Variants in ARHGEF6 observed in about 807,000 individuals in gnomAD.
ARHGEF6 encodes rho guanine nucleotide exchange factor 6.
In ARHGEF6, 9 loss-of-function variants were observed where a neutral mutation model predicts 70.3. That is an observed-to-expected ratio of 0.13 (90% CI 0.08 to 0.22). The LOEUF (loss-of-function observed/expected upper bound fraction) is 0.22, where lower values mean the gene tolerates loss of function less well. ARHGEF6 is among the 10% of genes least tolerant of loss of function. ARHGEF6 has a pLI of 1.00. For missense variants in ARHGEF6, 470 were observed against 563.0 expected (o/e 0.83, Z 1.67); for synonymous variants, 201 against 207.8 (o/e 0.97, Z 0.28).
chrX:136,779,172 C>T (rs1181967078), intron 2 of ARHGEF6, among the ~76,000 whole-genome samples: 1 of 112,025 alleles, frequency 8.9e-6, no homozygotes, highest in East Asian at 2.8e-4. Flanking sequence ...AGCCTGTTTA[C>T]AGGGCTTGGA....
Position 136,692,412 on chromosome X carries a change from G to C in ARHGEF6, c.1047-1664C>G, listed in dbSNP as rs528358374. On this transcript the variant is annotated intron_variant, in intron 9 of 21. Transcript: ENST00000250617. ...CAGCCTGCTGCTAATCCTTTTATCA[G>C]TTTTCGTAGTCTTGTTCCAGAAGTA... 3.6e-5 allele frequency among the ~76,000 whole-genome samples: 4 copies of C among 111,252 alleles called. No individual in the cohort carries two copies. The Admixed American group carries it at 3.8e-4, about 11-fold the overall frequency.
chrX:136,707,162 T>C (rs1305899722), intron 8 of ARHGEF6, 132 bp from the exon 9 acceptor site: 1 of 796,718 alleles, frequency 1.3e-6, no homozygotes, highest in African/African-American at 2.1e-5. Flanking sequence ...AACTATATTA[T>C]AACCATTTTA....
rs181136724 is a variant in ARHGEF6, at chrX:136,718,854, T to C, written c.733-5484A>G. On this transcript the variant is annotated intron_variant, in intron 6 of 21. Coordinates refer to ENST00000250617, the MANE Select transcript of ARHGEF6 (RefSeq NM_004840.3). ...TCTTTGGCTGAGTTATATTTTAATA[T>C]TATGCATTTCAGTGAGAACTGACAT... 1.7e-4 allele frequency among the ~76,000 whole-genome samples: 19 copies of C among 110,013 alleles called. No individual in the cohort carries two copies. The East Asian group carries it at 5.4e-3, about 31-fold the overall frequency.
intron 6 of ARHGEF6, among the ~76,000 whole-genome samples, chrX:136,727,383 TTCTTTCTTTCTTTCTC>T (rs1213282816): frequency 5.5e-4 from 37 of 67,465 alleles, no homozygotes; most frequent in Middle Eastern, 8.3e-3. Context: ...CTTTCTTTCT[TTCTTTCTTTCTTTCTC>T]TCTCTCTCTC....
intron 2 of ARHGEF6, among the ~76,000 whole-genome samples, chrX:136,754,864 G>A (rs757210129): frequency 2.7e-5 from 3 of 111,235 alleles, no homozygotes; most frequent in East Asian, 2.8e-4. Context: ...CCAGTTTTGC[G>A]GTGTGGGGTG....
intron 6 of ARHGEF6, among the ~76,000 whole-genome samples, chrX:136,727,411 C>CTTT (rs1556285287): frequency 1.4e-5 from 1 of 71,554 alleles, no homozygotes; most frequent in African/African-American, 6.8e-5. Context: ...CTCTCTCTCT[C>CTTT]TCTTTCTTTC....
chrX:136,733,710 C>A (rs138962037), intron 5 of ARHGEF6, among the ~76,000 whole-genome samples: 4,242 of 112,393 alleles, frequency 0.038, 93 homozygotes, highest in Non-Finnish European at 0.06. Flanking sequence ...GACAGGCAGA[C>A]TATCTTCTCA....
chrX:136,733,359 T>C (rs4829845), intron 5 of ARHGEF6, among the ~76,000 whole-genome samples: 14,127 of 110,761 alleles, frequency 0.13, 701 homozygotes, highest in South Asian at 0.24. Context: ...ATTTTCAAGT[T>C]ATAAATCTAT....
At chrX:136,778,093 T>C (rs1249649725) in intron 2 of ARHGEF6, among the ~76,000 whole-genome samples, 1 of 111,419 alleles carries the variant, frequency 9.0e-6, no homozygotes, top group African/African-American at 3.3e-5. Context: ...CTGAATAACT[T>C]ATCCATGTAA....
intron 14 of ARHGEF6, 73 bp from the exon 15 acceptor site, chrX:136,680,949 A>G (rs1336510113): frequency 1.8e-6 from 2 of 1,122,457 alleles, no homozygotes; most frequent in Non-Finnish European, 2.4e-6. Context: ...ATTCATAAAT[A>G]GACTTCATAC....
intron 2 of ARHGEF6, among the ~76,000 whole-genome samples, chrX:136,766,830 G>T (rs1054990295): frequency 8.9e-6 from 1 of 112,687 alleles, no homozygotes; most frequent in Non-Finnish European, 1.9e-5. Flanking sequence ...AAATGGTACT[G>T]TTGACTCCTG....
chrX:136,723,600 T>C (rs2076822226), intron 6 of ARHGEF6, among the ~76,000 whole-genome samples: 1 of 111,771 alleles, frequency 8.9e-6, no homozygotes, highest in South Asian at 3.7e-4. Context: ...AAGGAGGAGG[T>C]AAGGCTCATA....
chrX:136,725,787 C>T (rs2076846340), intron 6 of ARHGEF6, among the ~76,000 whole-genome samples: 1 of 111,798 alleles, frequency 8.9e-6, no homozygotes, highest in South Asian at 3.8e-4. Flanking sequence ...AACTGGGCAT[C>T]CTTTTGCTCA....
At chrX:136,755,963 A>G (rs1297754975) in intron 2 of ARHGEF6, among the ~76,000 whole-genome samples, 1 of 111,081 alleles carries the variant, frequency 9.0e-6, no homozygotes, top group Non-Finnish European at 1.9e-5. Context: ...TATGCCTAGA[A>G]CGTAAGCCCC....
chrX:136,767,891 G>C, intron 2 of ARHGEF6: 3 of 631,120 alleles, frequency 4.8e-6, no homozygotes, highest in Non-Finnish European at 5.7e-6. Flanking sequence ...TGTGGCAGCA[G>C]CAAAAGCCGC....
At position 136,771,516 on chromosome X, in the gene ARHGEF6, T is replaced by C. The variant is rs777770848; in HGVS notation, c.249+7898A>G. 7.1e-5 allele frequency among the ~76,000 whole-genome samples: 8 copies of C among 112,590 alleles called. No individual in the cohort carries two copies. In the South Asian group the frequency reaches 2.5e-3, roughly 36 times the overall value. On this transcript the variant is annotated intron_variant, in intron 2 of 21. Transcript: ENST00000250617. ...TTTCAACAAATGTTACTGAAACAAC[T>C]GGATGTGCATATGCAAAAGAATGAA...
chrX:136,687,855 G>C, intron 11 of ARHGEF6, 77 bp downstream of exon 11: 1 of 875,315 alleles, frequency 1.1e-6, no homozygotes, highest in Non-Finnish European at 1.7e-6. Flanking sequence ...TATAGGGAAA[G>C]AAATGTTACA....
At chrX:136,674,125 C>G (rs1344494250) in intron 19 of ARHGEF6, among the ~76,000 whole-genome samples, 1 of 112,266 alleles carries the variant, frequency 8.9e-6, no homozygotes, top group Non-Finnish European at 1.9e-5. Flanking sequence ...CTTTGGCCTC[C>G]CAAAGTGCTG....
intron 6 of ARHGEF6, among the ~76,000 whole-genome samples, chrX:136,731,683 C>T (rs1182082178): frequency 2.7e-5 from 3 of 111,836 alleles, no homozygotes; most frequent in Non-Finnish European, 5.6e-5. Context: ...ATATTCCAGA[C>T]GATATAATAA....
Sources: gnomAD v4.1 joint callset for allele counts (sites outside exome capture counted in the v4.1 genomes callset) on GRCh38, gnomAD v4.1.1 for gene constraint, MANE v1.5 for transcripts, NCBI Gene and HGNC (gene_info 2026-07-23, HGNC 2026-07-21) for gene names.